EDAR: variants seen among roughly 807,000 people sequenced by gnomAD.
EDAR encodes the protein ectodysplasin A receptor, also known as tumor necrosis factor receptor superfamily member EDAR.
Under a neutral mutation model 51.3 loss-of-function variants are expected in EDAR, and 38 were observed. That is an observed-to-expected ratio of 0.74 (90% CI 0.57 to 0.97). The LOEUF (loss-of-function observed/expected upper bound fraction) is 0.97, where lower values mean the gene tolerates loss of function less well. EDAR is among the 50% of genes least tolerant of loss of function. The pLI, the probability that EDAR is intolerant of heterozygous loss-of-function variation, is 0.00. For missense variants in EDAR, 528 were observed against 595.0 expected, an observed-to-expected ratio of 0.89 and a Z score of 1.17; for synonymous variants, 227 against 242.1, an observed-to-expected ratio of 0.94 and a Z score of 0.58.
intron 1 of EDAR, among the ~76,000 whole-genome samples, chr2:108,950,347 C>T (rs1697801352): frequency 6.6e-6 from 1 of 151,646 alleles, no homozygotes. Flanking sequence ...AATTTTTGGG[C>T]TCGAATGATC....
chr2:108,899,949 G>T (rs914299851), intron 11 of EDAR, among the ~76,000 whole-genome samples: 3 of 152,100 alleles, frequency 2.0e-5, no homozygotes, highest in African/African-American at 7.2e-5. Flanking sequence ...TCGTGTCACT[G>T]CTCTCCAACC....
At chr2:108,963,328 C>T (rs1251376062) in intron 1 of EDAR, among the ~76,000 whole-genome samples, 1 of 152,204 alleles carries the variant, frequency 6.6e-6, no homozygotes, top group East Asian at 1.9e-4. Flanking sequence ...ATTCAATTTG[C>T]TTTCAAGAGC....
At chr2:108,973,475 T>C (rs950027278) in intron 1 of EDAR, among the ~76,000 whole-genome samples, 5 of 152,178 alleles carry the variant, frequency 3.3e-5, no homozygotes, top group Non-Finnish European at 5.9e-5. Flanking sequence ...TGCTTTCCAG[T>C]GCTTTCCAGT....
At chr2:108,930,859 G>T in intron 2 of EDAR, 105 bp downstream of exon 2, 1 of 1,246,652 alleles carries the variant, frequency 8.0e-7, no homozygotes, top group Non-Finnish European at 1.2e-6. Flanking sequence ...CTGTGGAGGA[G>T]GGACTATGAT....
In EDAR at chr2:108,968,164, G is replaced by C. The variant is rs141736864; in HGVS notation, c.-19+20796C>G. On this transcript the variant is annotated intron_variant, in intron 1 of 11. Transcript: ENST00000258443. ...AGGCGCCGTCATTGTTCTCACTTTA[G>C]TGGAAACTGTCTCTTCTCAAAGTGG... Among the ~76,000 whole-genome samples, 262 of 152,240 alleles carry C rather than the reference G, an allele frequency of 1.7e-3. 1 individual carries two copies. The highest frequency in any genetic ancestry group is 5.8e-3 in the African/African-American group (242 of 41,540).
chr2:108,897,071 T>C lies in EDAR; in HGVS notation c.1183A>G (p.Met395Val), dbSNP rs537348349. The change falls in exon 12 of 12, where the codon ATG becomes GTG. Residue 395 changes from methionine to valine, a missense_variant. Physicochemically the swap from Met to Val is conservative, Grantham distance 21. Coordinates refer to ENST00000258443, the MANE Select transcript of EDAR (RefSeq NM_022336.4). ...GTGCTGATGCGGTCAAAGAGTTGCA[T>C]GCCGTCTGTCATGCCCCCAATCTCA... ...RDEIGGMTDG[M>V]QLFDRISTAG... 9.3e-6 allele frequency: 15 copies of C among 1,614,200 alleles called. No homozygotes were observed. The highest frequency in any genetic ancestry group is 8.0e-5 in the African/African-American group (6 of 75,060).
Position 108,930,966 on chromosome 2 carries a change from C to T in EDAR, c.49G>A (p.Val17Met). 6.2e-7 allele frequency: 1 copy of T among 1,613,924 alleles called. No homozygotes were observed. Among genetic ancestry groups the T allele is most frequent in the Non-Finnish European group, 8.5e-7 (1 of 1,180,020 alleles). Residue 17 changes from valine to methionine, a missense_variant and splice_region_variant, in exon 2 of 12, where the codon GTG becomes ATG. Val to Met is a conservative substitution (Grantham distance 21). Coordinates refer to ENST00000258443, the MANE Select transcript of EDAR (RefSeq NM_022336.4). ...CTQTPWLPVLVVSLMCSARAE... is the reference protein window; with the variant it reads ...CTQTPWLPVLMVSLMCSARAE... Reference sequence around the variant, plus strand: ...GGTAAGGGGCTCAGACCACTTACCACCAGGACGGGGAGCCAGGGCGTCTGC... The same window carrying T: ...GGTAAGGGGCTCAGACCACTTACCATCAGGACGGGGAGCCAGGGCGTCTGC...
chr2:108,988,428 C>G (rs1281788562), intron 1 of EDAR, among the ~76,000 whole-genome samples: 4 of 152,146 alleles, frequency 2.6e-5, no homozygotes, highest in Non-Finnish European at 5.9e-5. Flanking sequence ...GTACCCACTC[C>G]CCTCCTTCTC....
At chr2:108,943,378 C>A (rs1375374819) in intron 1 of EDAR, among the ~76,000 whole-genome samples, 1 of 152,172 alleles carries the variant, frequency 6.6e-6, no homozygotes, top group Non-Finnish European at 1.5e-5. Flanking sequence ...TTCTGGCTCA[C>A]CTCATTCTTT....
At chr2:108,943,507 G>A (rs1472804257) in intron 1 of EDAR, among the ~76,000 whole-genome samples, 1 of 152,206 alleles carries the variant, frequency 6.6e-6, no homozygotes, top group East Asian at 1.9e-4. Context: ...CGAAGCCCTG[G>A]ACAAACTTTT....
At chr2:108,926,243 G>A (rs554674681) in intron 4 of EDAR, among the ~76,000 whole-genome samples, 2 of 152,180 alleles carry the variant, frequency 1.3e-5, no homozygotes, top group East Asian at 1.9e-4. Flanking sequence ...CGGTCCCTTC[G>A]TCTTTCTGGA....
At chr2:108,952,424 C>T (rs963282193) in intron 1 of EDAR, among the ~76,000 whole-genome samples, 1 of 152,184 alleles carries the variant, frequency 6.6e-6, no homozygotes, top group African/African-American at 2.4e-5. Context: ...TTAAAATACT[C>T]TATTATGCAG....
At chr2:108,930,878 C>T (rs1449170022) in intron 2 of EDAR, 86 bp downstream of exon 2, 6 of 1,443,836 alleles carry the variant, frequency 4.2e-6, no homozygotes, top group East Asian at 2.3e-5. Context: ...ATCAGCATTC[C>T]CATTTTACAG....
In EDAR at chr2:108,895,270, CT is replaced by C. The variant is rs1260077687; in HGVS notation, c.*1636del. On this transcript the variant is annotated 3_prime_UTR_variant, in exon 12 of 12. Coordinates refer to ENST00000258443, the MANE Select transcript of EDAR (RefSeq NM_022336.4). Reference sequence around the variant, plus strand: ...GTTAAAGATATGACTGATTTTCCCCCTAAAGCATTTTTTCAGTCATGCAACT... The same window carrying C: ...GTTAAAGATATGACTGATTTTCCCCCAAAGCATTTTTTCAGTCATGCAACT... 1 of 152,566 alleles carries C rather than the reference CT, an allele frequency of 6.6e-6. No individual in the cohort carries two copies. Among genetic ancestry groups the C allele is most frequent in the Non-Finnish European group, 1.5e-5 (1 of 68,022 alleles). The allele number at this position is 152,566 out of a possible 1,614,324, so 9.5% of individuals were successfully genotyped here.
chr2:108,896,739 A>C lies in EDAR; in HGVS notation c.*168T>G. The C allele has an allele frequency of 3.0e-6, 2 of 656,918 alleles. No individual in the cohort carries two copies. The highest frequency in any genetic ancestry group is 5.7e-5 in the Admixed American group (2 of 34,796). 40.7% of individuals were successfully genotyped at this position (656,918 alleles called of 1,614,324 possible). A position where few individuals can be genotyped will look rare whatever the true frequency, so the allele number is the denominator to read the frequency against. On this transcript the variant is annotated 3_prime_UTR_variant, in exon 12 of 12. Coordinates refer to ENST00000258443, the MANE Select transcript of EDAR (RefSeq NM_022336.4). Reference sequence around the variant, plus strand: ...CGGCTCTAGTCCTTTATCTTTGGTTAAATTGGAAGACAGGCCTTATTTCGT... The same window carrying C: ...CGGCTCTAGTCCTTTATCTTTGGTTCAATTGGAAGACAGGCCTTATTTCGT...
intron 7 of EDAR, 38 bp from the exon 8 acceptor site, chr2:108,910,888 G>A (rs376646267): frequency 1.1e-5 from 18 of 1,613,918 alleles, no homozygotes; most frequent in South Asian, 9.9e-5. Context: ...CAGGCTCTCC[G>A]ACAGGGGGAG....
chr2:108,934,248 G>T (rs973107811), intron 1 of EDAR, among the ~76,000 whole-genome samples: 1 of 152,194 alleles, frequency 6.6e-6, no homozygotes, highest in East Asian at 1.9e-4. Flanking sequence ...GGGTCTGGGG[G>T]AGGGGAGCAC....
intron 4 of EDAR, among the ~76,000 whole-genome samples, chr2:108,927,875 A>G: frequency 6.6e-6 from 1 of 152,120 alleles, no homozygotes; most frequent in Non-Finnish European, 1.5e-5. Flanking sequence ...ATGGCCAGTC[A>G]TGGAGACACC....
chr2:108,921,970 G>A (rs1390674327), intron 5 of EDAR, among the ~76,000 whole-genome samples: 1 of 152,250 alleles, frequency 6.6e-6, no homozygotes, highest in African/African-American at 2.4e-5. Flanking sequence ...AAGGGCTGGG[G>A]GTGGGAGTGG....
Sources: gnomAD v4.1 joint callset for allele counts (sites outside exome capture counted in the v4.1 genomes callset) on GRCh38, gnomAD v4.1.1 for gene constraint, MANE v1.5 for transcripts, NCBI Gene and HGNC (gene_info 2026-07-23, HGNC 2026-07-21) for gene names.